The following TUSC3 variants were observed in gnomAD, a reference collection of about 807,000 sequenced individuals.
The protein encoded by TUSC3 is dolichyl-diphosphooligosaccharide--protein glycosyltransferase subunit TUSC3.
TUSC3 carries 45 observed loss-of-function variants against 44.8 expected under a neutral mutation model. The observed-to-expected ratio is 1.00, with a 90% CI of 0.79 to 1.29. The LOEUF (loss-of-function observed/expected upper bound fraction) is 1.29, where lower values mean the gene tolerates loss of function less well. TUSC3 is among the 50% of genes most tolerant of loss of function. TUSC3 has a pLI of 0.00. For synonymous variants in TUSC3, 212 were observed against 152.9 expected, an observed-to-expected ratio of 1.39 and a Z score of -2.85; for missense variants, 519 against 437.9, an observed-to-expected ratio of 1.19 and a Z score of -1.65.
chr8:15,524,681 A>G (rs377115393), intron 2 of TUSC3, among the ~76,000 whole-genome samples: 7 of 152,306 alleles, frequency 4.6e-5, no homozygotes, highest in African/African-American at 1.7e-4. Context: ...AAAAGACCCA[A>G]TGGAGAACCT....
At chr8:15,815,315 G>T in the TUSC3 span, among the ~76,000 whole-genome samples, 1 of 152,042 alleles carries the variant, frequency 6.6e-6, no homozygotes, top group Non-Finnish European at 1.5e-5. Context: ...GAAGGTTCTT[G>T]GGGGGCAGGA....
At chr8:15,752,815 G>C (rs147629534) in intron 9 of TUSC3, among the ~76,000 whole-genome samples, 1 of 151,962 alleles carries the variant, frequency 6.6e-6, no homozygotes, top group Non-Finnish European at 1.5e-5. Flanking sequence ...GATAGCCAAA[G>C]CCTCTAAGAA....
At chr8:15,533,277 A>C (rs1027306621) in intron 2 of TUSC3, among the ~76,000 whole-genome samples, 2 of 152,198 alleles carry the variant, frequency 1.3e-5, no homozygotes, top group Non-Finnish European at 2.9e-5. Flanking sequence ...TATCAGCAGC[A>C]TGAAAATTGA....
At chr8:15,476,234 T>C (rs774258784) in intron 1 of TUSC3, among the ~76,000 whole-genome samples, 27 of 152,286 alleles carry the variant, frequency 1.8e-4, no homozygotes, top group Middle Eastern at 3.4e-3. Context: ...GAACCCTGAG[T>C]AGGATGAAAA....
chr8:15,700,042 A>C (rs565178651), intron 6 of TUSC3, among the ~76,000 whole-genome samples: 1 of 152,158 alleles, frequency 6.6e-6, no homozygotes, highest in East Asian at 1.9e-4. Flanking sequence ...ATTATTATAG[A>C]GATTAAATAC....
chr8:15,636,691 A>G (rs1378809731), intron 2 of TUSC3, among the ~76,000 whole-genome samples: 4 of 152,184 alleles, frequency 2.6e-5, no homozygotes, highest in Non-Finnish European at 5.9e-5. Flanking sequence ...AGCCTGTTGC[A>G]TTGTTTCCTT....
At chr8:15,609,617 G>T (rs1804676217) in intron 1 of TUSC3, among the ~76,000 whole-genome samples, 1 of 152,082 alleles carries the variant, frequency 6.6e-6, no homozygotes, top group African/African-American at 2.4e-5. Flanking sequence ...GACTGTCCCT[G>T]ATTAAAATGA....
At chr8:15,541,581 C>T (rs939756832) in intron 1 of TUSC3, among the ~76,000 whole-genome samples, 13 of 152,140 alleles carry the variant, frequency 8.5e-5, no homozygotes, top group Admixed American at 5.9e-4. Context: ...TCTCTTTATT[C>T]TTAGTCTGAA....
At chr8:15,722,570 G>A (rs1186289345) in intron 6 of TUSC3, among the ~76,000 whole-genome samples, 1 of 152,040 alleles carries the variant, frequency 6.6e-6, no homozygotes, top group Non-Finnish European at 1.5e-5. Context: ...TAGACAGGAT[G>A]ACTGCAATTT....
the TUSC3 span, among the ~76,000 whole-genome samples, chr8:15,826,466 T>C: frequency 6.6e-6 from 1 of 152,202 alleles, no homozygotes; most frequent in Non-Finnish European, 1.5e-5. Flanking sequence ...TCGCACATTA[T>C]ATTAATATAT....
intron 1 of TUSC3, among the ~76,000 whole-genome samples, chr8:15,544,431 G>A (rs7835150): frequency 0.2 from 30,705 of 151,536 alleles, 3,627 homozygotes; most frequent in East Asian, 0.34. Flanking sequence ...TGCAATGAAT[G>A]TGAGTAGCTA....
chr8:15,595,399 G>T (rs2129152321), intron 1 of TUSC3, among the ~76,000 whole-genome samples: 1 of 152,202 alleles, frequency 6.6e-6, no homozygotes, highest in South Asian at 2.1e-4. Context: ...TAGCTCAGGA[G>T]TCAGCTGGTC....
chr8:15,572,599 A>T (rs147671360), intron 1 of TUSC3, among the ~76,000 whole-genome samples: 3 of 152,300 alleles, frequency 2.0e-5, no homozygotes, highest in African/African-American at 7.2e-5. Context: ...CAAGAGGTGT[A>T]GCTTTTGGCC....
At chr8:15,851,857 C>T in the TUSC3 span, among the ~76,000 whole-genome samples, 2 of 152,116 alleles carry the variant, frequency 1.3e-5, no homozygotes, top group Non-Finnish European at 2.9e-5. Context: ...GTAGGAGGGA[C>T]CCAGTGGGAG....
chr8:15,684,046 G>C (rs967854413), intron 6 of TUSC3, among the ~76,000 whole-genome samples: 3 of 149,594 alleles, frequency 2.0e-5, no homozygotes, highest in Non-Finnish European at 4.5e-5. Context: ...CCTGAAAATA[G>C]GATCTTAGTC....
chr8:15,805,545 T>C, the TUSC3 span, among the ~76,000 whole-genome samples: 2 of 152,162 alleles, frequency 1.3e-5, no homozygotes, highest in African/African-American at 4.8e-5. Context: ...TGAAAGGATG[T>C]TGGATTTTAT....
At chr8:15,610,107 G>T (rs1209793616) in intron 1 of TUSC3, among the ~76,000 whole-genome samples, 1 of 151,892 alleles carries the variant, frequency 6.6e-6, no homozygotes, top group Non-Finnish European at 1.5e-5. Context: ...TATTAAGAAA[G>T]GTATGATGAA....
At chr8:15,440,705 T>C (rs1800009592) in intron 1 of TUSC3, among the ~76,000 whole-genome samples, 1 of 152,220 alleles carries the variant, frequency 6.6e-6, no homozygotes, top group South Asian at 2.1e-4. Flanking sequence ...GGTTTGTGCA[T>C]GTCAGTGTGA....
At chr8:15,519,111 A>T (rs1801260014) in intron 2 of TUSC3, among the ~76,000 whole-genome samples, 1 of 152,174 alleles carries the variant, frequency 6.6e-6, no homozygotes, top group Non-Finnish European at 1.5e-5. Context: ...ATACACATCT[A>T]CTGACATTAA....
Sources: gnomAD v4.1 joint callset for allele counts (sites outside exome capture counted in the v4.1 genomes callset) on GRCh38, gnomAD v4.1.1 for gene constraint, MANE v1.5 for transcripts, NCBI Gene and HGNC (gene_info 2026-07-23, HGNC 2026-07-21) for gene names.